The following C4orf36 variants were observed in gnomAD, a reference collection of about 807,000 sequenced individuals.
The protein encoded by C4orf36 is uncharacterized protein C4orf36.
A neutral mutation model predicts 12.2 loss-of-function variants in C4orf36; 11 were observed. The ratio of observed to expected loss-of-function variants is 0.90; its 90% confidence interval spans 0.57 to 1.49. The LOEUF is 1.49. Ranked by LOEUF, C4orf36 falls within the 40% of genes most tolerant of loss-of-function variation. The probability of loss-of-function intolerance (pLI) is 0.00; values close to 1 mark genes in which losing one functional copy is unlikely to be tolerated. For missense variants in C4orf36, 137 were observed against 133.9 expected, an observed-to-expected ratio of 1.02 and a Z score of -0.11; for synonymous variants, 54 against 51.3, an observed-to-expected ratio of 1.05 and a Z score of -0.22.
the C4orf36 span, chr4:86,913,601 G>A: frequency 7.2e-7 from 1 of 1,383,178 alleles, no homozygotes; most frequent in East Asian, 2.3e-5. Flanking sequence ...TGAGACAAAT[G>A]AAACACTTAG....
intron 4 of C4orf36, among the ~76,000 whole-genome samples, chr4:86,884,727 T>C (rs1015800639): frequency 6.6e-6 from 1 of 152,234 alleles, no homozygotes; most frequent in Non-Finnish European, 1.5e-5. Context: ...TTGTCAATTT[T>C]GGCTTTTGTT....
intron 1 of C4orf36, 124 bp from the exon 2 acceptor site, chr4:86,891,717 T>G: frequency 2.2e-6 from 2 of 890,156 alleles, no homozygotes; most frequent in South Asian, 4.7e-5. Context: ...GAACCCCAAG[T>G]GTAAAACCGT....
chr4:86,878,680 G>C (rs937184492), intron 4 of C4orf36, among the ~76,000 whole-genome samples: 2 of 152,204 alleles, frequency 1.3e-5, no homozygotes. Context: ...TGAATGCACT[G>C]TTTATCCAAC....
chr4:86,923,407 G>A, the C4orf36 span, among the ~76,000 whole-genome samples: 9 of 151,834 alleles, frequency 5.9e-5, no homozygotes, highest in Non-Finnish European at 1.2e-4. Context: ...ATTCTTTAGA[G>A]TTATCCTTTA....
the C4orf36 span, among the ~76,000 whole-genome samples, chr4:86,927,085 G>A: frequency 1.1e-4 from 16 of 152,334 alleles, no homozygotes; most frequent in East Asian, 2.9e-3. Flanking sequence ...GCCCTTTACA[G>A]AAAAAGTATG....
the C4orf36 span, among the ~76,000 whole-genome samples, chr4:86,909,183 T>C: frequency 1.3e-5 from 2 of 152,226 alleles, no homozygotes; most frequent in African/African-American, 4.8e-5. Flanking sequence ...AAGGGGATTC[T>C]GGGAACTATA....
intron 4 of C4orf36, among the ~76,000 whole-genome samples, chr4:86,886,301 A>G (rs1470608629): frequency 1.3e-5 from 2 of 152,220 alleles, no homozygotes; most frequent in African/African-American, 4.8e-5. Flanking sequence ...CTGCACAGCA[A>G]AAGAAACTAC....
the C4orf36 span, among the ~76,000 whole-genome samples, chr4:86,908,017 T>G: frequency 1.3e-4 from 19 of 151,640 alleles, no homozygotes; most frequent in African/African-American, 4.6e-4. Flanking sequence ...TTGTATAAAG[T>G]TTCTCCAGTG....
chr4:86,908,599 A>ACT, the C4orf36 span, among the ~76,000 whole-genome samples: 207 of 132,014 alleles, frequency 1.6e-3, 1 homozygote, highest in South Asian at 2.6e-3. Context: ...GTACACTTAC[A>ACT]CTCTCTCTCT....
chr4:86,919,309 T>G, the C4orf36 span, among the ~76,000 whole-genome samples: 1 of 108,330 alleles, frequency 9.2e-6, no homozygotes, highest in East Asian at 2.4e-4. Flanking sequence ...TTCTGCTTTT[T>G]TCCCCCTTTT....
the C4orf36 span, among the ~76,000 whole-genome samples, chr4:86,915,314 A>T: frequency 6.6e-6 from 1 of 152,120 alleles, no homozygotes; most frequent in Non-Finnish European, 1.5e-5. Flanking sequence ...GGCCATTTCC[A>T]TGAATGGATA....
the C4orf36 span, among the ~76,000 whole-genome samples, chr4:86,900,590 C>T: frequency 6.6e-6 from 1 of 151,958 alleles, no homozygotes; most frequent in Non-Finnish European, 1.5e-5. Flanking sequence ...AAGGCCAGAC[C>T]CCTCTTTCTC....
At chr4:86,908,736 C>T in the C4orf36 span, among the ~76,000 whole-genome samples, 1 of 150,732 alleles carries the variant, frequency 6.6e-6, no homozygotes, top group Non-Finnish European at 1.5e-5. Context: ...GTGATAACTT[C>T]TGGGATAGCA....
At chr4:86,924,886 G>C in the C4orf36 span, 5 of 152,218 alleles carry the variant, frequency 3.3e-5, no homozygotes, top group African/African-American at 1.2e-4. Flanking sequence ...GGTTCTGCCA[G>C]CTTACAGGAA....
intron 2 of C4orf36, chr4:86,890,007 AAAGT>A: frequency 1.3e-5 from 6 of 451,646 alleles, no homozygotes; most frequent in Non-Finnish European, 2.7e-5. Context: ...CCTGGGCAAC[AAAGT>A]GAGACCCCAT....
upstream of C4orf36, among the ~76,000 whole-genome samples, chr4:86,893,310 C>T (rs527918508): frequency 3.3e-5 from 5 of 152,266 alleles, no homozygotes; most frequent in East Asian, 9.7e-4. Flanking sequence ...ATGGGCCGGG[C>T]GCGTGTCTCA....
the C4orf36 span, among the ~76,000 whole-genome samples, chr4:86,928,511 C>T: frequency 4.0e-3 from 603 of 152,246 alleles, 5 homozygotes; most frequent in African/African-American, 0.014. Flanking sequence ...GAATCTACCC[C>T]GTGACTGAAG....
At chr4:86,931,630 C>T in the C4orf36 span, among the ~76,000 whole-genome samples, 1 of 152,148 alleles carries the variant, frequency 6.6e-6, no homozygotes, top group Admixed American at 6.5e-5. Context: ...AAGTCCTGGG[C>T]TCAAGTGATC....
chr4:86,919,015 G>A, the C4orf36 span, among the ~76,000 whole-genome samples: 1 of 152,004 alleles, frequency 6.6e-6, no homozygotes, highest in African/African-American at 2.4e-5. Flanking sequence ...CAAGGCCAAA[G>A]GCCTGAGAAC....
Sources: gnomAD v4.1 joint callset for allele counts (sites outside exome capture counted in the v4.1 genomes callset) on GRCh38, gnomAD v4.1.1 for gene constraint, MANE v1.5 for transcripts, NCBI Gene and HGNC (gene_info 2026-07-23, HGNC 2026-07-21) for gene names.